Variants in CDC25A observed in about 807,000 individuals in gnomAD.
CDC25A encodes the protein M-phase inducer phosphatase 1.
Under a neutral mutation model 64.6 loss-of-function variants are expected in CDC25A, and 17 were observed. That is an observed-to-expected ratio of 0.26 (90% confidence interval 0.18 to 0.39). The LOEUF is 0.39. Ranked by LOEUF, CDC25A falls within the 10% of genes least tolerant of loss-of-function variation. CDC25A has a pLI of 1.00. For missense variants in CDC25A, 473 were observed against 654.8 expected (o/e 0.72, Z 3.03); for synonymous variants, 229 against 238.6 (o/e 0.96, Z 0.37).
chr3:48,175,297 CAATA>C (rs927788386), intron 8 of CDC25A, among the ~76,000 whole-genome samples: 1 of 151,706 alleles, frequency 6.6e-6, no homozygotes, highest in South Asian at 2.1e-4. Flanking sequence ...GACTCTGTCT[CAATA>C]AATAAATAAA....
In CDC25A at chr3:48,187,780, G is replaced by A; in HGVS notation, c.168C>T (p.Gly56=). Residue 56 remains glycine (G), a splice_region_variant and synonymous_variant, in exon 1 of 15, where the codon GGC becomes GGT. Coordinates refer to ENST00000302506, the MANE Select transcript of CDC25A (RefSeq NM_001789.3). The part of the protein sequence containing the change: ...TVTMDQLQGL[G]SDYEQPLEVK... ...ACCGCCCGCCGGTCTCTCCTTACCTGCCCAGACCCTGCAGCTGGTCCATAG... is the reference window on the plus strand; with the variant it reads ...ACCGCCCGCCGGTCTCTCCTTACCTACCCAGACCCTGCAGCTGGTCCATAG... The A allele has an allele frequency of 6.5e-7, 1 of 1,544,968 alleles. No individual in the cohort carries two copies. The highest frequency in any genetic ancestry group is 8.7e-7 in the Non-Finnish European group (1 of 1,143,812).
At chr3:48,179,160 T>C (rs2032572000) in intron 6 of CDC25A, among the ~76,000 whole-genome samples, 1 of 152,172 alleles carries the variant, frequency 6.6e-6, no homozygotes, top group Admixed American at 6.6e-5. Flanking sequence ...AAGTGCACAC[T>C]CTGGGAAATG....
In CDC25A at chr3:48,187,834, TC is replaced by T; in HGVS notation, c.113del (p.Gly38AspfsTer8). On this transcript the variant is annotated frameshift_variant, in exon 1 of 15. Coordinates refer to ENST00000302506, the MANE Select transcript of CDC25A (RefSeq NM_001789.3). LOFTEE classifies it high-confidence loss of function. The stretch of plus-strand genomic sequence containing the variant: ...CGGTCAGGTTGGTGACAGGCGACAG[TC>T]CCCCGGCGGCTGAAGCGCCAAATAG... ...KALFGASAAGGLSPVTNLTVT... is the reference protein window; with the variant it reads ...KALFGASAAGXLSPVTNLTVT... 1 of 1,548,468 alleles carries T rather than the reference TC, an allele frequency of 6.5e-7. No homozygotes were observed. The highest frequency in any genetic ancestry group is 8.7e-7 in the Non-Finnish European group (1 of 1,145,714).
At chr3:48,179,282 G>A (rs1225957747) in intron 6 of CDC25A, among the ~76,000 whole-genome samples, 1 of 152,144 alleles carries the variant, frequency 6.6e-6, no homozygotes, top group Non-Finnish European at 1.5e-5. Context: ...GGGATTCCTA[G>A]GTGCAGATGT....
At chr3:48,170,484 A>G (rs942786104) in intron 9 of CDC25A, among the ~76,000 whole-genome samples, 1 of 152,224 alleles carries the variant, frequency 6.6e-6, no homozygotes, top group African/African-American at 2.4e-5. Context: ...GAAGACATGC[A>G]TAGGGTGAGG....
chr3:48,188,088 C>A lies in CDC25A; in HGVS notation c.-141G>T. 1 of 642,418 alleles carries A rather than the reference C, an allele frequency of 1.6e-6. No individual in the cohort carries two copies. The highest frequency in any genetic ancestry group is 2.2e-6 in the Non-Finnish European group (1 of 457,322). The allele number at this position is 642,418 out of a possible 1,614,324, so 39.8% of individuals were successfully genotyped here. On this transcript the variant is annotated 5_prime_UTR_variant, in exon 1 of 15. Coordinates refer to ENST00000302506, the MANE Select transcript of CDC25A (RefSeq NM_001789.3). Reference sequence around the variant, plus strand: ...CAAACACGACTCCGCGGTTCAGGGACGCGGCTGCCGCGGGCAAGCGGCGCG... The same window carrying A: ...CAAACACGACTCCGCGGTTCAGGGAAGCGGCTGCCGCGGGCAAGCGGCGCG...
chr3:48,165,608 T>C (rs753420902), intron 12 of CDC25A, 28 bp downstream of exon 12: 18 of 1,516,982 alleles, frequency 1.2e-5, no homozygotes, highest in Non-Finnish European at 1.6e-5. Flanking sequence ...TTAGGGCTCC[T>C]TCTACAGCAA....
At chr3:48,187,753 G>A (rs1244358895) in intron 1 of CDC25A, 25 bp downstream of exon 1, 1 of 1,527,850 alleles carries the variant, frequency 6.5e-7, no homozygotes, top group Admixed American at 2.0e-5. Context: ...GGGGCCCGGA[G>A]CACCGCCCGC....
intron 9 of CDC25A, among the ~76,000 whole-genome samples, chr3:48,173,712 C>T (rs1165365955): frequency 6.6e-6 from 1 of 152,120 alleles, no homozygotes. Flanking sequence ...CTGGGGAACC[C>T]GGACTTCCAC....
intron 10 of CDC25A, among the ~76,000 whole-genome samples, chr3:48,166,332 G>C (rs2032017511): frequency 6.6e-6 from 1 of 152,070 alleles, no homozygotes; most frequent in African/African-American, 2.4e-5. Context: ...GTACACACTA[G>C]TTACTCTTCT....
intron 8 of CDC25A, chr3:48,174,658 T>C (rs569132467): frequency 2.0e-6 from 1 of 511,614 alleles, no homozygotes; most frequent in Admixed American, 3.7e-5. Flanking sequence ...GCTCAATGAA[T>C]ATATACTCAG....
At position 48,177,837 on chromosome 3, in the gene CDC25A, AC is replaced by A. The variant is rs2032519428; in HGVS notation, c.684+16del. ...ATTAGTAGAACAAATAGGAACACAC[AC>A]ACACACACACGGTACCTTCAGATTC... On this transcript the variant is annotated intron_variant, in intron 7 of 14. Coordinates refer to ENST00000302506, the MANE Select transcript of CDC25A (RefSeq NM_001789.3). The A allele has an allele frequency of 6.8e-6, 11 of 1,613,084 alleles. No homozygotes were observed. The highest frequency in any genetic ancestry group is 1.3e-5 in the African/African-American group (1 of 74,898).
At chr3:48,168,925 T>C (rs2032161821) in intron 9 of CDC25A, among the ~76,000 whole-genome samples, 1 of 152,182 alleles carries the variant, frequency 6.6e-6, no homozygotes, top group Non-Finnish European at 1.5e-5. Flanking sequence ...GTGCTGGGAT[T>C]ACAGGTGTGA....
rs766305671 is a variant in CDC25A at position 48,167,884 on chromosome 3, C to A, written c.991G>T (p.Asp331Tyr). The change falls in exon 10 of 15, where the codon GAC becomes TAC. Residue 331 changes from aspartate to tyrosine, a missense_variant. Asp to Tyr is a radical substitution (Grantham distance 160). Coordinates refer to ENST00000302506, the MANE Select transcript of CDC25A (RefSeq NM_001789.3). ...CCTATAAGGTCCCTTGGGTCATTGT[C>A]CAAAATGTTCTCAATGGTTCCTTTG... ...SPKGTIENIL[D>Y]NDPRDLIGDF... is the part of the protein sequence containing the mutation. 1 of 1,610,088 alleles carries A rather than the reference C, an allele frequency of 6.2e-7. No individual in the cohort carries two copies. Among genetic ancestry groups the A allele is most frequent in the East Asian group, 2.2e-5 (1 of 44,832 alleles).
chr3:48,163,687 G>A (rs2031886165), intron 13 of CDC25A, among the ~76,000 whole-genome samples: 1 of 152,180 alleles, frequency 6.6e-6, no homozygotes, highest in Non-Finnish European at 1.5e-5. Context: ...TAAGAACGTG[G>A]TCCTGCAGAA....
intron 5 of CDC25A, chr3:48,181,454 TATTAAAAGC>T (rs2032664281): frequency 1.5e-6 from 1 of 662,572 alleles, no homozygotes; most frequent in Non-Finnish European, 2.7e-6. Flanking sequence ...CATAATTAAG[TATTAAAAGC>T]AGTAATGGCT....
At position 48,170,175 on chromosome 3, in the gene CDC25A, CAGCAAGCA is replaced by C. The variant is rs372246067; in HGVS notation, c.931-2239_931-2232del. 2.5e-3 allele frequency among the ~76,000 whole-genome samples: 382 copies of C among 152,116 alleles called. 2 individuals are homozygous for C. The highest frequency in any genetic ancestry group is 7.9e-3 in the African/African-American group (327 of 41,492). Reference sequence around the variant, plus strand: ...CAGATATGAGGGGATTTCTCCCTACCAGCAAGCAAGCAAGCAAGCAAGCAGTTCTGCAG... The same window carrying C: ...CAGATATGAGGGGATTTCTCCCTACCAGCAAGCAAGCAAGCAGTTCTGCAG... On this transcript the variant is annotated intron_variant, in intron 9 of 14. Coordinates refer to ENST00000302506, the MANE Select transcript of CDC25A (RefSeq NM_001789.3).
At chr3:48,159,138 C>T (rs1029061598) in intron 14 of CDC25A, 53 bp from the exon 15 acceptor site, 3 of 1,595,178 alleles carry the variant, frequency 1.9e-6, no homozygotes. Context: ...ACACCCACAA[C>T]CTGGTTTCCT....
At chr3:48,175,413 T>C (rs919355825) in intron 8 of CDC25A, among the ~76,000 whole-genome samples, 1 of 152,220 alleles carries the variant, frequency 6.6e-6, no homozygotes, top group Non-Finnish European at 1.5e-5. Context: ...CGACTCCATG[T>C]GTCTTGGCCT....
Sources: allele counts gnomAD v4.1 joint callset (sites outside exome capture counted in the v4.1 genomes callset), GRCh38; gene constraint gnomAD v4.1.1; transcripts MANE v1.5; gene names NCBI Gene and HGNC (gene_info 2026-07-23, HGNC 2026-07-21).